DIAPH2: variants seen among roughly 807,000 people sequenced by gnomAD.
DIAPH2 encodes diaphanous related formin 2, also known as protein diaphanous homolog 2.
DIAPH2 carries 35 observed loss-of-function variants against 92.7 expected under a neutral mutation model. The ratio of observed to expected loss-of-function variants is 0.38; its 90% confidence interval spans 0.29 to 0.50. The LOEUF is 0.50. DIAPH2 is among the 20% of genes least tolerant of loss of function. The pLI is 0.94. For synonymous variants in DIAPH2, 301 were observed against 280.4 expected, an observed-to-expected ratio of 1.07 and a Z score of -0.73; for missense variants, 701 against 819.5, an observed-to-expected ratio of 0.86 and a Z score of 1.77.
chrX:96,785,878 G>A (rs947350842), intron 4 of DIAPH2, among the ~76,000 whole-genome samples: 3 of 111,357 alleles, frequency 2.7e-5, no homozygotes, highest in Admixed American at 9.6e-5. Flanking sequence ...CCGCCACAAT[G>A]GCAACCAAAT....
At chrX:97,052,038 A>G (rs1276848034) in intron 17 of DIAPH2, among the ~76,000 whole-genome samples, 1 of 111,720 alleles carries the variant, frequency 9.0e-6, no homozygotes, top group Non-Finnish European at 1.9e-5. Flanking sequence ...AGGACTATAG[A>G]TGACTAAGCT....
intron 22 of DIAPH2, among the ~76,000 whole-genome samples, chrX:97,182,547 CTTA>C (rs1468163758): frequency 9.0e-6 from 1 of 111,317 alleles, no homozygotes; most frequent in Non-Finnish European, 1.9e-5. Context: ...GTGGACCCCA[CTTA>C]TTATTAGGTT....
chrX:97,095,785 G>A (rs148802258), intron 19 of DIAPH2, among the ~76,000 whole-genome samples: 1,126 of 112,068 alleles, frequency 0.01, 5 homozygotes, highest in Non-Finnish European at 0.017. Context: ...TTAAAAGCGT[G>A]TGGTCTATTC....
intron 17 of DIAPH2, among the ~76,000 whole-genome samples, chrX:96,998,795 G>A (rs1387146552): frequency 9.0e-6 from 1 of 111,511 alleles, no homozygotes; most frequent in Non-Finnish European, 1.9e-5. Context: ...AAACCACTTC[G>A]TAACTGGTCT....
intron 22 of DIAPH2, among the ~76,000 whole-genome samples, chrX:97,232,921 A>G (rs768838605): frequency 3.8e-4 from 43 of 112,383 alleles, no homozygotes; most frequent in African/African-American, 1.4e-3. Flanking sequence ...AGATGAAAAA[A>G]TATTCTTTTC....
rs1305491884 is a variant in DIAPH2 at position 96,750,259 on chromosome X, C to T, written c.343-7895C>T. ...GCCAGGCTGGTCTCGAACTCCTGAC[C>T]TCAGGTGATCCGCCCGCCTTGGCCT... On this transcript the variant is annotated intron_variant, in intron 3 of 26. Transcript: ENST00000324765. 4.5e-5 allele frequency among the ~76,000 whole-genome samples: 5 copies of T among 110,229 alleles called. No individual in the cohort carries two copies. In the Admixed American group the frequency reaches 4.8e-4, roughly 11 times the overall value.
chrX:97,310,795 G>A (rs981924739), intron 23 of DIAPH2, among the ~76,000 whole-genome samples: 4 of 111,422 alleles, frequency 3.6e-5, no homozygotes, highest in African/African-American at 1.3e-4. Flanking sequence ...GATCACTTGA[G>A]GTCAGGAGTT....
chrX:96,919,864 ATTATTTATTTATTTAT>A (rs60595365), intron 9 of DIAPH2, among the ~76,000 whole-genome samples: 12 of 100,238 alleles, frequency 1.2e-4, no homozygotes, highest in African/African-American at 3.6e-4. Context: ...TGTCAAATGT[ATTATTTATTTATTTAT>A]TTATTTATTT....
At chrX:96,836,853 G>A (rs1194799968) in intron 4 of DIAPH2, among the ~76,000 whole-genome samples, 3 of 93,208 alleles carry the variant, frequency 3.2e-5, no homozygotes, top group Admixed American at 1.2e-4. Context: ...TCAGCCTCCC[G>A]AGTAGCTGGG....
chrX:96,965,287 G>A, intron 17 of DIAPH2, 80 bp downstream of exon 17: 1 of 683,184 alleles, frequency 1.5e-6, no homozygotes, highest in Admixed American at 4.0e-5. Flanking sequence ...TTCTAGTAAT[G>A]GGTATATGTA....
At chrX:97,228,023 C>T (rs1284577508) in intron 22 of DIAPH2, among the ~76,000 whole-genome samples, 1 of 111,319 alleles carries the variant, frequency 9.0e-6, no homozygotes, top group Admixed American at 9.6e-5. Flanking sequence ...ACCTCAGCCT[C>T]CCAAGTAGCT....
At chrX:97,512,439 G>A (rs1245989420) in intron 26 of DIAPH2, among the ~76,000 whole-genome samples, 1 of 112,256 alleles carries the variant, frequency 8.9e-6, no homozygotes, top group Non-Finnish European at 1.9e-5. Flanking sequence ...TATCAATTTT[G>A]TTGATCCTTT....
intron 23 of DIAPH2, among the ~76,000 whole-genome samples, chrX:97,253,354 C>G: frequency 9.2e-6 from 1 of 108,191 alleles, no homozygotes; most frequent in Non-Finnish European, 1.9e-5. Flanking sequence ...AAGTAAGATT[C>G]TTAGCATTTT....
rs749454674 is a variant in DIAPH2 at position 96,857,963 on chromosome X, C to T, written c.448-23616C>T. ...TTTTTATCCAGTAGAGGGAGTCAAC[C>T]ATTTGCATGTTATAAAAACCAGATC... On this transcript the variant is annotated intron_variant, in intron 4 of 26. Coordinates refer to ENST00000324765, the MANE Select transcript of DIAPH2 (RefSeq NM_006729.5). Among the ~76,000 whole-genome samples the T allele has an allele frequency of 4.5e-5, 5 of 112,110 alleles. No individual in the cohort carries two copies. The East Asian group carries it at 1.1e-3, about 25-fold the overall frequency.
chrX:96,808,233 C>T (rs751775833), intron 4 of DIAPH2, among the ~76,000 whole-genome samples: 3 of 109,608 alleles, frequency 2.7e-5, no homozygotes, highest in Non-Finnish European at 3.8e-5. Context: ...TAGACAAAAC[C>T]CTACTTACCA....
At chrX:97,599,042 A>AAAG (rs1297185956) in intron 26 of DIAPH2, among the ~76,000 whole-genome samples, 1 of 112,400 alleles carries the variant, frequency 8.9e-6, no homozygotes, top group African/African-American at 3.2e-5. Flanking sequence ...CTTACCAAGA[A>AAAG]AAGTCATTTA....
intron 26 of DIAPH2, among the ~76,000 whole-genome samples, chrX:97,509,910 G>C (rs970955554): frequency 2.7e-5 from 3 of 110,487 alleles, no homozygotes; most frequent in African/African-American, 9.9e-5. Flanking sequence ...GTCTATCATT[G>C]TTAGACATTT....
intron 10 of DIAPH2, among the ~76,000 whole-genome samples, chrX:96,935,627 CAT>C (rs1485756399): frequency 1.8e-5 from 2 of 111,247 alleles, no homozygotes; most frequent in African/African-American, 3.3e-5. Flanking sequence ...TGCATTTACA[CAT>C]GTCTAAATTT....
chrX:97,100,215 G>A (rs901428308), intron 20 of DIAPH2, among the ~76,000 whole-genome samples: 1 of 110,361 alleles, frequency 9.1e-6, no homozygotes, highest in African/African-American at 3.3e-5. Context: ...CTTTTTCTAG[G>A]GTATATGTCG....
Sources: allele counts gnomAD v4.1 joint callset (sites outside exome capture counted in the v4.1 genomes callset), GRCh38; gene constraint gnomAD v4.1.1; transcripts MANE v1.5; gene names NCBI Gene and HGNC (gene_info 2026-07-23, HGNC 2026-07-21).